ITPKB: variants seen among roughly 807,000 people sequenced by gnomAD.
The protein encoded by ITPKB is IP3 3-kinase B.
In ITPKB, 13 loss-of-function variants were observed where a neutral mutation model predicts 69.4. That is an observed-to-expected ratio of 0.19 (90% confidence interval 0.12 to 0.30). The LOEUF is 0.30. Ranked by LOEUF, ITPKB falls within the 10% of genes least tolerant of loss-of-function variation. The pLI is 1.00. For missense variants in ITPKB, 1,240 were observed against 1,250.5 expected (o/e 0.99, Z 0.13); for synonymous variants, 584 against 513.7 (o/e 1.14, Z -1.85).
intron 2 of ITPKB, among the ~76,000 whole-genome samples, chr1:226,712,885 C>T (rs1657004090): frequency 6.6e-6 from 1 of 152,172 alleles, no homozygotes; most frequent in Non-Finnish European, 1.5e-5. Context: ...CAGCTATCAG[C>T]AAACCACAGG....
chr1:226,672,216 T>C (rs1669631148), intron 2 of ITPKB, among the ~76,000 whole-genome samples: 2 of 152,142 alleles, frequency 1.3e-5, no homozygotes, highest in Non-Finnish European at 2.9e-5. Context: ...CACCGAAATG[T>C]GACAGCGTGT....
rs55822534 is a variant in ITPKB, at chr1:226,735,683, G to A, written c.1776C>T (p.Asn592=). Residue 592 remains asparagine (N), a synonymous_variant, in exon 2 of 8, where the codon AAC becomes AAT. Coordinates refer to ENST00000429204, the MANE Select transcript of ITPKB (RefSeq NM_002221.4). ...LEETQGSPRG[N]LPLRKLSSSS... is the part of the protein sequence containing the mutation. ...AAGAGGACAGTTTCCTCAGGGGCAG[G>A]TTGCCCCGAGGGCTTCCCTGCGTCT... 3.3e-3 allele frequency: 5,246 copies of A among 1,605,932 alleles called. 119 individuals are homozygous for A. The East Asian group carries it at 0.051, about 16-fold the overall frequency.
At chr1:226,679,301 T>TA (rs1656016027) in intron 2 of ITPKB, among the ~76,000 whole-genome samples, 1 of 152,246 alleles carries the variant, frequency 6.6e-6, no homozygotes, top group Non-Finnish European at 1.5e-5. Flanking sequence ...TGATCTTATT[T>TA]AAAATCTCTG....
chr1:226,659,897 C>A (rs891968052), intron 2 of ITPKB, among the ~76,000 whole-genome samples: 1 of 152,214 alleles, frequency 6.6e-6, no homozygotes, highest in African/African-American at 2.4e-5. Context: ...CGGCATCTGG[C>A]TGATAAGAGG....
At chr1:226,721,655 C>T (rs1170013905) in intron 2 of ITPKB, among the ~76,000 whole-genome samples, 1 of 151,874 alleles carries the variant, frequency 6.6e-6, no homozygotes, top group African/African-American at 2.4e-5. Context: ...GCCACCACGC[C>T]TGGCTAATAT....
Position 226,736,018 on chromosome 1 carries a change from A to G in ITPKB, c.1441T>C (p.Cys481Arg), listed in dbSNP as rs1479628872. The G allele has an allele frequency of 3.7e-6, 6 of 1,613,810 alleles. No homozygotes were observed. The highest frequency in any genetic ancestry group is 5.1e-6 in the Non-Finnish European group (6 of 1,180,012). Reference sequence around the variant, plus strand: ...TTCAGATCTTTCGCAGCGTCCCAACAGGGCAAAGGCTCCAGCATTCTGCCA... The same window carrying G: ...TTCAGATCTTTCGCAGCGTCCCAACGGGGCAAAGGCTCCAGCATTCTGCCA... ...PSGRMLEPLP[C>R]WDAAKDLKEP... Residue 481 changes from cysteine to arginine, a missense_variant, in exon 2 of 8, where the codon TGT becomes CGT. Physicochemically the swap from Cys to Arg is radical, Grantham distance 180. This residue lies in a region of ITPKB where 992 missense variants were observed against 853.8 expected (regional missense o/e 1.16). Coordinates refer to ENST00000429204, the MANE Select transcript of ITPKB (RefSeq NM_002221.4).
intron 2 of ITPKB, chr1:226,707,529 A>G (rs1388453913): frequency 6.1e-6 from 6 of 985,346 alleles, no homozygotes; most frequent in Non-Finnish European, 7.2e-6. Context: ...AAAACATGGA[A>G]TGGAAGAATA....
At chr1:226,662,448 C>G (rs2102758363) in intron 2 of ITPKB, among the ~76,000 whole-genome samples, 1 of 152,328 alleles carries the variant, frequency 6.6e-6, no homozygotes, top group South Asian at 2.1e-4. Flanking sequence ...ATTGAAAAAA[C>G]TTCAGGTTAT....
intron 2 of ITPKB, among the ~76,000 whole-genome samples, chr1:226,679,112 C>T (rs1385323150): frequency 6.6e-6 from 1 of 152,220 alleles, no homozygotes; most frequent in East Asian, 1.9e-4. Flanking sequence ...AGCTCCCTGC[C>T]TCCCAGTATC....
At chr1:226,700,393 C>T (rs113763731) in intron 2 of ITPKB, among the ~76,000 whole-genome samples, 4,080 of 139,826 alleles carry the variant, frequency 0.029, 184 homozygotes, top group African/African-American at 0.1. Context: ...CACTTGAATC[C>T]GGGAGGCGGA....
chr1:226,664,107 G>C (rs1484587111), intron 2 of ITPKB, among the ~76,000 whole-genome samples: 1 of 152,218 alleles, frequency 6.6e-6, no homozygotes, highest in Non-Finnish European at 1.5e-5. Context: ...GCTTACAGAA[G>C]GCTCCTGGTT....
At chr1:226,704,874 A>T (rs955721649) in intron 2 of ITPKB, among the ~76,000 whole-genome samples, 2 of 152,258 alleles carry the variant, frequency 1.3e-5, no homozygotes. Context: ...TCCTTTGCAC[A>T]GTGGAACAAA....
intron 2 of ITPKB, among the ~76,000 whole-genome samples, chr1:226,664,231 C>T (rs941274479): frequency 1.1e-4 from 16 of 152,212 alleles, no homozygotes; most frequent in East Asian, 1.9e-4. Flanking sequence ...GGCTGAAGAA[C>T]GGGCTTAAAT....
chr1:226,736,809 G>T lies in ITPKB; in HGVS notation c.650C>A (p.Ser217Tyr). The T allele has an allele frequency of 1.2e-6, 2 of 1,612,994 alleles. No homozygotes were observed. The highest frequency in any genetic ancestry group is 1.7e-6 in the Non-Finnish European group (2 of 1,180,022). Residue 217 changes from serine (S) to tyrosine (Y), a missense_variant, in exon 2 of 8, where the codon TCC becomes TAC. By Grantham distance (144) the Ser-to-Tyr change is moderately radical (BLOSUM62 -2). Transcript: ENST00000429204. Reference sequence around the variant, plus strand: ...TAGGCTGGGCCCTCCTTTCCTCCCGGAGTCGGTTCCTGAAGTCTCTGGACA... The same window carrying T: ...TAGGCTGGGCCCTCCTTTCCTCCCGTAGTCGGTTCCTGAAGTCTCTGGACA... ...EQCPETSGTD[S>Y]GRKGGPSLCS...
At position 226,736,318 on chromosome 1, in the gene ITPKB, T is replaced by G. The variant is rs753362652; in HGVS notation, c.1141A>C (p.Met381Leu). 88 of 1,610,500 alleles carry G rather than the reference T, an allele frequency of 5.5e-5. No homozygotes were observed. Among genetic ancestry groups the G allele is most frequent in the Non-Finnish European group, 7.4e-5 (87 of 1,178,884 alleles). Residue 381 changes from methionine to leucine, a missense_variant, in exon 2 of 8, where the codon ATG becomes CTG. By Grantham distance (15) the Met-to-Leu change is conservative. Around this residue, in one of 2 missense-constraint regions of ITPKB, gnomAD observed 992 missense variants for 853.8 expected, o/e 1.16. Transcript: ENST00000429204. The part of the protein sequence containing the change: ...KMGKGYLPCG[M>L]PGSGEPEVGK... ...ACTTCAGGCTCCCCAGAGCCCGGCA[T>G]GCCACAGGGCAGATATCCTTTCCCC...
intron 2 of ITPKB, among the ~76,000 whole-genome samples, chr1:226,719,622 C>T (rs994948103): frequency 1.3e-5 from 2 of 152,238 alleles, no homozygotes; most frequent in African/African-American, 4.8e-5. Flanking sequence ...TAACTCAACT[C>T]GATTGCATTC....
At chr1:226,677,231 T>C (rs1669750578) in intron 2 of ITPKB, among the ~76,000 whole-genome samples, 1 of 152,242 alleles carries the variant, frequency 6.6e-6, no homozygotes, top group Non-Finnish European at 1.5e-5. Flanking sequence ...CACAAGAATT[T>C]GCCAGGATCA....
intron 2 of ITPKB, among the ~76,000 whole-genome samples, chr1:226,660,684 G>A (rs73100928): frequency 0.025 from 3,733 of 152,306 alleles, 148 homozygotes; most frequent in African/African-American, 0.086. Context: ...CACACCAGGG[G>A]CCTCTCCAGG....
intron 2 of ITPKB, chr1:226,668,799 T>A (rs1669554600): frequency 6.6e-6 from 1 of 152,244 alleles, no homozygotes; most frequent in African/African-American, 2.4e-5. Flanking sequence ...CTATTGATCA[T>A]GATGAATAGG....
Sources: gnomAD v4.1 joint callset for allele counts (sites outside exome capture counted in the v4.1 genomes callset) on GRCh38, gnomAD v4.1.1 for gene constraint, gnomAD v4.1.1 regional missense constraint, MANE v1.5 for transcripts, NCBI Gene and HGNC (gene_info 2026-07-23, HGNC 2026-07-21) for gene names.